The following ZNF728 variants were observed in gnomAD, a reference collection of about 807,000 sequenced individuals.
ZNF728 encodes the protein zinc finger protein 728.
A neutral mutation model predicts 12.5 loss-of-function variants in ZNF728; 12 were observed. That is an observed-to-expected ratio of 0.96 (90% CI 0.61 to 1.55). The LOEUF (loss-of-function observed/expected upper bound fraction) is 1.55, where lower values mean the gene tolerates loss of function less well. ZNF728 is among the 40% of genes most tolerant of loss of function. ZNF728 has a pLI of 0.00. For missense variants in ZNF728, 692 were observed against 719.2 expected (o/e 0.96, Z 0.43); for synonymous variants, 205 against 240.7 (o/e 0.85, Z 1.37).
Position 22,976,295 on chromosome 19 carries a change from C to CTT in ZNF728, c.1040_1041dup (p.Ala348LysfsTer14), listed in dbSNP as rs1291423296. On this transcript the variant is annotated frameshift_variant, in exon 4 of 4. Transcript: ENST00000594710. LOFTEE classifies it low-confidence loss of function (END_TRUNC). ...GTAAGGGTTGAGAAGTTACCAAAGG[C>CTT]TTTGCCACATTCTTCACATTTGCAG... 1 of 1,612,970 alleles carries CTT rather than the reference C, an allele frequency of 6.2e-7. No homozygotes were observed. Among genetic ancestry groups the CTT allele is most frequent in the African/African-American group, 1.3e-5 (1 of 74,788 alleles).
At chr19:22,990,242 T>C (rs1273390150) in intron 1 of ZNF728, among the ~76,000 whole-genome samples, 1 of 151,996 alleles carries the variant, frequency 6.6e-6, no homozygotes, top group East Asian at 1.9e-4. Flanking sequence ...GATCTTGATC[T>C]GAGACACATT....
intron 1 of ZNF728, among the ~76,000 whole-genome samples, chr19:22,997,728 TAAAA>T (rs112287289): frequency 2.2e-5 from 3 of 135,316 alleles, no homozygotes; most frequent in South Asian, 4.7e-4. Flanking sequence ...TAAATCTATT[TAAAA>T]AAAAAAAAAA....
Position 22,980,072 on chromosome 19 carries a change from A to C in ZNF728, c.227-2962T>G, listed in dbSNP as rs1968845045. 2.0e-5 allele frequency among the ~76,000 whole-genome samples: 3 copies of C among 152,186 alleles called. No individual in the cohort carries two copies. In the South Asian group the frequency reaches 6.2e-4, roughly 32 times the overall value. On this transcript the variant is annotated intron_variant, in intron 3 of 3. Coordinates refer to ENST00000594710, the MANE Select transcript of ZNF728 (RefSeq NM_001267716.2). ...TTAAAAGACACAGACTAGCAAATTG[A>C]ATAGAGTCAAGATCCATCTAAGTGC...
rs1402278673 is a variant in ZNF728 at position 23,000,872 on chromosome 19, A to AAAAAC, written c.3+2155_3+2156insGTTTT. On this transcript the variant is annotated intron_variant, in intron 1 of 3. Coordinates refer to ENST00000594710, the MANE Select transcript of ZNF728 (RefSeq NM_001267716.2). Reference sequence around the variant, plus strand: ...GACAGAGGAAAACACTGTCAAAAAAAAAAAAAAAAAAAACCAAAAAAAAAA... The same window carrying AAAAAC: ...GACAGAGGAAAACACTGTCAAAAAAAAAAACAAAAAAAAAAAAACCAAAAAAAAAA... 4.3e-5 allele frequency among the ~76,000 whole-genome samples: 6 copies of AAAAAC among 140,510 alleles called. No individual in the cohort carries two copies. In the South Asian group the frequency reaches 8.4e-4, roughly 20 times the overall value. 92.2% of individuals were successfully genotyped at this position (140,510 alleles called of 152,430 possible). A position where few individuals can be genotyped will look rare whatever the true frequency, so the allele number is the denominator to read the frequency against.
chr19:22,975,419 C>T lies in ZNF728; in HGVS notation c.*49G>A. On this transcript the variant is annotated 3_prime_UTR_variant, in exon 4 of 4. Coordinates refer to ENST00000594710, the MANE Select transcript of ZNF728 (RefSeq NM_001267716.2). ...AGGGTTTCCCTCCTGTATAAATACC[C>T]TTATGTTCAGTAAGGGTTAAGAACT... The T allele has an allele frequency of 3.4e-6, 5 of 1,476,618 alleles. No homozygotes were observed. Among genetic ancestry groups the T allele is most frequent in the East Asian group, 2.4e-5 (1 of 42,276 alleles). 91.5% of individuals were successfully genotyped at this position (1,476,618 alleles called of 1,614,324 possible).
chr19:22,988,299 G>C, intron 2 of ZNF728, 26 bp downstream of exon 2: 1 of 1,614,014 alleles, frequency 6.2e-7, no homozygotes, highest in Non-Finnish European at 8.5e-7. Context: ...TGTATACTAG[G>C]AATTGCGTAT....
chr19:22,986,671 G>T (rs916732806), intron 3 of ZNF728, among the ~76,000 whole-genome samples: 5 of 151,974 alleles, frequency 3.3e-5, no homozygotes, highest in African/African-American at 1.2e-4. Context: ...ATCCAAAGTG[G>T]TCTCTAGATT....
In ZNF728 at chr19:22,987,357, T is replaced by C; in HGVS notation, c.177A>G (p.Gly59=). The C allele has an allele frequency of 1.9e-6, 3 of 1,612,618 alleles. No individual in the cohort carries two copies. The highest frequency in any genetic ancestry group is 2.5e-6 in the Non-Finnish European group (3 of 1,179,342). Residue 59 remains glycine (G), a synonymous_variant, in exon 3 of 4, where the codon GGA becomes GGG. Transcript: ENST00000594710. ...KPDLIIFLEQ[G]KEPWNMKRHE... ...GTCTCTTCATATTCCAGGGCTCTTT[T>C]CCTTGCTCCAGAAAAATGATCAGGT...
chr19:22,981,950 C>T (rs1404164358), intron 3 of ZNF728, among the ~76,000 whole-genome samples: 1 of 152,134 alleles, frequency 6.6e-6, no homozygotes, highest in African/African-American at 2.4e-5. Flanking sequence ...ACCAGAAGCA[C>T]TCCCTTTGAA....
At chr19:22,984,272 A>G (rs1042934919) in intron 3 of ZNF728, among the ~76,000 whole-genome samples, 10 of 152,030 alleles carry the variant, frequency 6.6e-5, no homozygotes, top group African/African-American at 2.2e-4. Flanking sequence ...TTGAAAAAAA[A>G]ATATGCCAGG....
chr19:23,002,209 A>G (rs291770), intron 1 of ZNF728, among the ~76,000 whole-genome samples: 48,130 of 152,124 alleles, frequency 0.32, 10,109 homozygotes, highest in African/African-American at 0.61. Flanking sequence ...CAGCTACCTG[A>G]GAGGCTAAGG....
chr19:22,983,954 C>A (rs931975626), intron 3 of ZNF728, among the ~76,000 whole-genome samples: 1 of 151,684 alleles, frequency 6.6e-6, no homozygotes, highest in Non-Finnish European at 1.5e-5. Context: ...TGCATACCTA[C>A]GTAACAAACC....
intron 3 of ZNF728, among the ~76,000 whole-genome samples, chr19:22,984,137 C>T (rs1968889331): frequency 6.6e-6 from 1 of 152,014 alleles, no homozygotes; most frequent in African/African-American, 2.4e-5. Flanking sequence ...GCTCATACAA[C>T]ATATTTCTTG....
chr19:22,979,333 T>A (rs1248476643), intron 3 of ZNF728, among the ~76,000 whole-genome samples: 3 of 151,798 alleles, frequency 2.0e-5, no homozygotes, highest in African/African-American at 7.3e-5. Flanking sequence ...TAAAAAGAAA[T>A]GAACAAAGCC....
At chr19:22,986,849 T>C (rs1230486626) in intron 3 of ZNF728, among the ~76,000 whole-genome samples, 1 of 152,070 alleles carries the variant, frequency 6.6e-6, no homozygotes, top group Non-Finnish European at 1.5e-5. Context: ...ATTTCAAGAC[T>C]ATAGTAATAA....
Position 22,987,508 on chromosome 19 carries a change from T to A in ZNF728, c.131-105A>T, listed in dbSNP as rs779445063. 2.1e-5 allele frequency: 22 copies of A among 1,033,664 alleles called. No individual in the cohort carries two copies. In the South Asian group the frequency reaches 6.2e-4, roughly 29 times the overall value. 64.0% of individuals were successfully genotyped at this position (1,033,664 alleles called of 1,614,324 possible). On this transcript the variant is annotated intron_variant, in intron 2 of 3. Transcript: ENST00000594710. ...ATGTGATAGAATATTCTAATACATT[T>A]ATCCCAAAATACTAAATTACAACAG...
chr19:22,989,951 T>A (rs192830753), intron 1 of ZNF728, among the ~76,000 whole-genome samples: 1 of 151,830 alleles, frequency 6.6e-6, no homozygotes, highest in Non-Finnish European at 1.5e-5. Context: ...CAATAGGAAT[T>A]TTGAGTATCT....
At chr19:22,984,328 G>A (rs377749766) in intron 3 of ZNF728, among the ~76,000 whole-genome samples, 16 of 152,070 alleles carry the variant, frequency 1.1e-4, no homozygotes, top group Middle Eastern at 3.4e-3. Context: ...GGAGGCCGAG[G>A]TGGGTGGATC....
intron 1 of ZNF728, among the ~76,000 whole-genome samples, chr19:23,000,886 CCAAA>C (rs796578493): frequency 0.026 from 2,540 of 98,176 alleles, 94 homozygotes; most frequent in African/African-American, 0.15. Flanking sequence ...AAAAAAAAAA[CCAAA>C]AAAAAAAAAA....
Sources: gnomAD v4.1 joint callset for allele counts (sites outside exome capture counted in the v4.1 genomes callset) on GRCh38, gnomAD v4.1.1 for gene constraint, MANE v1.5 for transcripts, NCBI Gene and HGNC (gene_info 2026-07-23, HGNC 2026-07-21) for gene names.